Variants in C1orf198 observed in about 807,000 individuals in gnomAD.
C1orf198 encodes the protein uncharacterized protein C1orf198.
C1orf198 carries 17 observed loss-of-function variants against 31.4 expected under a neutral mutation model. The ratio of observed to expected loss-of-function variants is 0.54; its 90% CI spans 0.37 to 0.81. The LOEUF is 0.81. Ranked by LOEUF, C1orf198 falls within the 40% of genes least tolerant of loss-of-function variation. C1orf198 has a pLI of 0.00. For missense variants in C1orf198, 401 were observed against 450.3 expected (o/e 0.89, Z 0.99); for synonymous variants, 175 against 193.8 (o/e 0.90, Z 0.81).
intron 1 of C1orf198, among the ~76,000 whole-genome samples, chr1:230,856,680 C>A (rs1669882542): frequency 6.6e-6 from 1 of 152,158 alleles, no homozygotes; most frequent in Admixed American, 6.5e-5. Context: ...AGGTGTGCAC[C>A]ATGTCTGACT....
At chr1:230,851,483 C>T (rs1669741958) in intron 2 of C1orf198, among the ~76,000 whole-genome samples, 1 of 152,206 alleles carries the variant, frequency 6.6e-6, no homozygotes, top group Admixed American at 6.5e-5. Flanking sequence ...ATCCTCTCTC[C>T]ACTCCCTGCC....
intron 1 of C1orf198, among the ~76,000 whole-genome samples, chr1:230,864,552 G>A (rs1400461108): frequency 6.6e-6 from 1 of 152,178 alleles, no homozygotes; most frequent in Non-Finnish European, 1.5e-5. Flanking sequence ...TTGAAGAGGG[G>A]ACAGAGCTGT....
rs1325610732 is a variant in C1orf198 at position 230,839,698 on chromosome 1, A to C, written c.*154T>G. 4.7e-6 allele frequency: 3 copies of C among 642,016 alleles called. No homozygotes were observed. The highest frequency in any genetic ancestry group is 7.8e-6 in the Non-Finnish European group (3 of 386,270). The allele number at this position is 642,016 out of a possible 1,614,324, so 39.8% of individuals were successfully genotyped here. A position where few individuals can be genotyped will look rare whatever the true frequency, so the allele number is the denominator to read the frequency against. ...TATCTGGTTCTACCAAAAAAGAAAAAAATCTGGCAATATTGACCAGTTTCC... is the reference window on the plus strand; with the variant it reads ...TATCTGGTTCTACCAAAAAAGAAAACAATCTGGCAATATTGACCAGTTTCC... On this transcript the variant is annotated 3_prime_UTR_variant, in exon 4 of 4. Coordinates refer to ENST00000366663, the MANE Select transcript of C1orf198 (RefSeq NM_032800.3).
At chr1:230,849,582 A>T (rs143229393) in intron 2 of C1orf198, among the ~76,000 whole-genome samples, 192 of 152,348 alleles carry the variant, frequency 1.3e-3, no homozygotes, top group African/African-American at 4.4e-3. Context: ...TCAGTTGGCC[A>T]TGTCTGTTCT....
intron 1 of C1orf198, 144 bp downstream of exon 1, chr1:230,868,036 T>TACCCCCC: frequency 3.5e-6 from 3 of 861,446 alleles, no homozygotes; most frequent in Non-Finnish European, 3.2e-6. Context: ...GCTCTGGGGC[T>TACCCCCC]CCCCTCCCAC....
chr1:230,847,594 G>A (rs1218363783), intron 2 of C1orf198, among the ~76,000 whole-genome samples: 2 of 152,132 alleles, frequency 1.3e-5, no homozygotes, highest in African/African-American at 4.8e-5. Flanking sequence ...GAAGCTGCCG[G>A]GAGCAATGGA....
intron 1 of C1orf198, among the ~76,000 whole-genome samples, chr1:230,867,712 G>C (rs1670153673): frequency 6.6e-6 from 1 of 152,128 alleles, no homozygotes; most frequent in East Asian, 1.9e-4. Context: ...CATTTGCTCA[G>C]TCCCTTCACG....
intron 1 of C1orf198, among the ~76,000 whole-genome samples, chr1:230,860,122 C>T (rs561950532): frequency 7.2e-5 from 11 of 152,266 alleles, no homozygotes; most frequent in African/African-American, 2.4e-4. Flanking sequence ...GTGAATTATA[C>T]AAACTTGCAA....
At chr1:230,861,606 A>G (rs1038477658) in intron 1 of C1orf198, among the ~76,000 whole-genome samples, 1 of 152,314 alleles carries the variant, frequency 6.6e-6, no homozygotes, top group Admixed American at 6.5e-5. Context: ...AAATGCTAGA[A>G]GTCAGGGCTA....
intron 1 of C1orf198, among the ~76,000 whole-genome samples, chr1:230,866,763 C>A (rs1031748437): frequency 2.0e-5 from 3 of 152,204 alleles, no homozygotes; most frequent in Non-Finnish European, 4.4e-5. Flanking sequence ...AAACACTGCA[C>A]ACAAGTCTTT....
At chr1:230,844,772 G>A (rs1669543393) in intron 2 of C1orf198, among the ~76,000 whole-genome samples, 1 of 152,166 alleles carries the variant, frequency 6.6e-6, no homozygotes, top group Admixed American at 6.5e-5. Context: ...CAAACACCCA[G>A]AGGGCAGGGC....
rs966468742 is a variant in C1orf198, at chr1:230,843,275, T to C, written c.927+79A>G. 1.4e-6 allele frequency: 2 copies of C among 1,481,202 alleles called. No homozygotes were observed. 91.8% of individuals were successfully genotyped at this position (1,481,202 alleles called of 1,614,324 possible). On this transcript the variant is annotated intron_variant, in intron 3 of 3. Transcript: ENST00000366663. This position sits in a 1 kb window ranked among gnomAD's most constrained non-coding sequence, Gnocchi z 4.9. ...AGAGCATGGGCACCTGTGGCCTGCC[T>C]GCTTTGTGGGGGACCCTCTCGGTTC...
intron 1 of C1orf198, among the ~76,000 whole-genome samples, chr1:230,867,844 G>C (rs746825249): frequency 6.6e-6 from 1 of 152,190 alleles, no homozygotes; most frequent in Non-Finnish European, 1.5e-5. Context: ...ACCCAGGCTT[G>C]TCTGGTTTAA....
Position 230,857,336 on chromosome 1 carries a change from G to A in C1orf198, c.334-1618C>T, listed in dbSNP as rs1329780877. On this transcript the variant is annotated intron_variant, in intron 1 of 3. Coordinates refer to ENST00000366663, the MANE Select transcript of C1orf198 (RefSeq NM_032800.3). The surrounding 1 kb of genome is among the most constrained non-coding windows in gnomAD (Gnocchi z 4.2). ...GAAGACTCAGCGACTGCCCGTAGCG[G>A]ACGCTTACTCACTCTTTGAGAATAT... Among the ~76,000 whole-genome samples the A allele has an allele frequency of 6.6e-6, 1 of 152,214 alleles. No homozygotes were observed. The highest frequency in any genetic ancestry group is 1.5e-5 in the Non-Finnish European group (1 of 68,040).
chr1:230,843,287 G>T lies in C1orf198; in HGVS notation c.927+67C>A. 6.6e-7 allele frequency: 1 copy of T among 1,506,654 alleles called. No individual in the cohort carries two copies. Among genetic ancestry groups the T allele is most frequent in the South Asian group, 1.3e-5 (1 of 77,366 alleles). 93.3% of individuals were successfully genotyped at this position (1,506,654 alleles called of 1,614,324 possible). A position where few individuals can be genotyped will look rare whatever the true frequency, so the allele number is the denominator to read the frequency against. ...CCTGTGGCCTGCCTGCTTTGTGGGG[G>T]ACCCTCTCGGTTCCCGTGGAATAAG... On this transcript the variant is annotated intron_variant, in intron 3 of 3. Transcript: ENST00000366663. This position sits in a 1 kb window ranked among gnomAD's most constrained non-coding sequence, Gnocchi z 4.9.
intron 2 of C1orf198, among the ~76,000 whole-genome samples, chr1:230,853,536 T>C (rs1669797088): frequency 6.6e-6 from 1 of 152,146 alleles, no homozygotes; most frequent in Non-Finnish European, 1.5e-5. Context: ...ACAGCTCCCT[T>C]GCTCTCTGAG....
intron 2 of C1orf198, among the ~76,000 whole-genome samples, chr1:230,848,158 G>A (rs1669642432): frequency 6.6e-6 from 1 of 152,222 alleles, no homozygotes; most frequent in Admixed American, 6.5e-5. Flanking sequence ...CTTCAGAGGA[G>A]GGTGTCATCT....
chr1:230,869,420 A>T (rs1163906736), upstream of C1orf198: 1 of 152,216 alleles, frequency 6.6e-6, no homozygotes, highest in African/African-American at 2.4e-5. Flanking sequence ...AATTAAAATT[A>T]TAGCGAGCCC....
chr1:230,842,316 T>C (rs1279608708), intron 3 of C1orf198, among the ~76,000 whole-genome samples: 1 of 152,184 alleles, frequency 6.6e-6, no homozygotes, highest in Admixed American at 6.5e-5. Flanking sequence ...ATAAAAACTT[T>C]TAAAATTCAG....
Sources: gnomAD v4.1 joint callset for allele counts (sites outside exome capture counted in the v4.1 genomes callset) on GRCh38, gnomAD v4.1.1 for gene constraint, Gnocchi (gnomAD v3.1) non-coding constraint, MANE v1.5 for transcripts, NCBI Gene and HGNC (gene_info 2026-07-23, HGNC 2026-07-21) for gene names.